Variants in GPC6 observed in about 807,000 individuals in gnomAD.
The protein encoded by GPC6 is glypican 6.
A neutral mutation model predicts 55.2 loss-of-function variants in GPC6; 14 were observed. That is an observed-to-expected ratio of 0.25 (90% CI 0.17 to 0.40). GPC6 has a LOEUF of 0.40. Among genes scored for constraint, GPC6 ranks in the 10% least tolerant of loss-of-function variants. The pLI, the probability that GPC6 is intolerant of heterozygous loss-of-function variation, is 1.00. For missense variants in GPC6, 641 were observed against 708.5 expected (o/e 0.90, Z 1.08); for synonymous variants, 278 against 259.6 (o/e 1.07, Z -0.68).
chr13:94,400,543 A>C (rs1402276261), intron 8 of GPC6, among the ~76,000 whole-genome samples: 1 of 152,156 alleles, frequency 6.6e-6, no homozygotes, highest in Non-Finnish European at 1.5e-5. Context: ...AATGTTGAAA[A>C]CCTAGTATAG....
intron 4 of GPC6, among the ~76,000 whole-genome samples, chr13:94,216,523 T>C (rs1270751804): frequency 6.6e-6 from 1 of 152,230 alleles, no homozygotes; most frequent in Non-Finnish European, 1.5e-5. Flanking sequence ...ATTAACCAAA[T>C]TGATATGAGA....
At chr13:94,109,325 A>C (rs1296488540) in intron 4 of GPC6, among the ~76,000 whole-genome samples, 1 of 152,190 alleles carries the variant, frequency 6.6e-6, no homozygotes, top group Non-Finnish European at 1.5e-5. Context: ...GATTCTTGGT[A>C]ATCTATCACT....
chr13:93,808,643 T>C (rs1440713924), intron 2 of GPC6, among the ~76,000 whole-genome samples: 1 of 152,242 alleles, frequency 6.6e-6, no homozygotes, highest in African/African-American at 2.4e-5. Flanking sequence ...ATGAACTGTA[T>C]GTAATTAAAC....
chr13:93,545,183 A>G lies in GPC6; in HGVS notation c.161-80A>G, dbSNP rs1178688296. On this transcript the variant is annotated intron_variant, in intron 1 of 8. Coordinates refer to ENST00000377047, the MANE Select transcript of GPC6 (RefSeq NM_005708.5). ...GGAACAAGCACCCTGAGATTTGAGC[A>G]AAGTGTTAGAGAAGTGAAATCTCTA... 1.6e-5 allele frequency: 20 copies of G among 1,236,552 alleles called. No individual in the cohort carries two copies. The East Asian group carries it at 4.7e-4, about 29-fold the overall frequency. 76.6% of individuals were successfully genotyped at this position (1,236,552 alleles called of 1,614,324 possible).
chr13:93,438,602 C>T (rs1038678331), intron 1 of GPC6, among the ~76,000 whole-genome samples: 2 of 152,082 alleles, frequency 1.3e-5, no homozygotes, highest in African/African-American at 4.8e-5. Flanking sequence ...CCTGCAATCT[C>T]ATGATAAAAT....
intron 2 of GPC6, among the ~76,000 whole-genome samples, chr13:93,615,764 C>T (rs935065035): frequency 3.3e-5 from 5 of 152,008 alleles, no homozygotes. Context: ...TCCACAGTGT[C>T]CCCTCACTTT....
the GPC6 span, among the ~76,000 whole-genome samples, chr13:93,218,348 G>A: frequency 2.0e-5 from 3 of 152,124 alleles, no homozygotes; most frequent in Admixed American, 2.0e-4. Flanking sequence ...AATTCTCTGT[G>A]GCTGATAAAG....
chr13:93,492,530 T>C (rs1388327030), intron 1 of GPC6, among the ~76,000 whole-genome samples: 1 of 147,626 alleles, frequency 6.8e-6, no homozygotes, highest in East Asian at 2.0e-4. Context: ...TCCTGCCTGA[T>C]TGCCCCGGCC....
intron 7 of GPC6, among the ~76,000 whole-genome samples, chr13:94,392,338 G>A (rs1418400408): frequency 1.3e-5 from 2 of 150,764 alleles, no homozygotes. Flanking sequence ...AATAATAATG[G>A]TACTATGAAC....
At chr13:93,383,129 T>G (rs1358464442) in intron 1 of GPC6, among the ~76,000 whole-genome samples, 1 of 152,198 alleles carries the variant, frequency 6.6e-6, no homozygotes, top group Non-Finnish European at 1.5e-5. Context: ...GTGGTAGACT[T>G]TTCCAGCTTT....
At chr13:93,839,013 GAACC>G (rs1887848842) in intron 3 of GPC6, among the ~76,000 whole-genome samples, 2 of 152,126 alleles carry the variant, frequency 1.3e-5, no homozygotes, top group South Asian at 2.1e-4. Context: ...CAAATGATGA[GAACC>G]AGCAAAGCAC....
intron 1 of GPC6, among the ~76,000 whole-genome samples, chr13:93,434,628 CT>C (rs1291597454): frequency 6.6e-6 from 1 of 152,180 alleles, no homozygotes; most frequent in Non-Finnish European, 1.5e-5. Context: ...GTAAAACTTA[CT>C]GGCATATAAT....
chr13:93,432,789 G>A (rs1877410028), intron 1 of GPC6, among the ~76,000 whole-genome samples: 1 of 152,046 alleles, frequency 6.6e-6, no homozygotes, highest in Non-Finnish European at 1.5e-5. Context: ...TAATGAATCA[G>A]CAACCCAAAG....
chr13:93,895,751 T>C (rs1297042432), intron 3 of GPC6, among the ~76,000 whole-genome samples: 1 of 152,102 alleles, frequency 6.6e-6, no homozygotes, highest in Non-Finnish European at 1.5e-5. Flanking sequence ...AATAATTCTC[T>C]GTTACAACAT....
chr13:93,337,741 A>G (rs1880099250), intron 1 of GPC6, among the ~76,000 whole-genome samples: 1 of 152,242 alleles, frequency 6.6e-6, no homozygotes, highest in Non-Finnish European at 1.5e-5. Context: ...GTTGCAGCTA[A>G]CAAAGAGAAC....
intron 4 of GPC6, among the ~76,000 whole-genome samples, chr13:94,146,377 A>G (rs571646403): frequency 3.3e-5 from 5 of 152,264 alleles, no homozygotes; most frequent in African/African-American, 1.2e-4. Flanking sequence ...GGACAGTCTC[A>G]CCAATCAAGT....
Position 93,921,535 on chromosome 13 carries a change from TCC to T in GPC6, c.711+90993_711+90994del, listed in dbSNP as rs201547673. On this transcript the variant is annotated intron_variant, in intron 3 of 8. Transcript: ENST00000377047. ...AGGGGATGGAGTAGGAAGATGATCT[TCC>T]CCTGGATTTCAGCCATCCTGTGGCC... 7.9e-5 allele frequency among the ~76,000 whole-genome samples: 12 copies of T among 152,088 alleles called. No individual in the cohort carries two copies. In the East Asian group the frequency reaches 2.3e-3, roughly 30 times the overall value.
At chr13:93,893,805 T>C (rs1366517825) in intron 3 of GPC6, among the ~76,000 whole-genome samples, 1 of 152,248 alleles carries the variant, frequency 6.6e-6, no homozygotes, top group East Asian at 1.9e-4. Flanking sequence ...ATCAGACTTC[T>C]CTTAATTAAT....
intron 3 of GPC6, among the ~76,000 whole-genome samples, chr13:93,839,951 G>A (rs1479151556): frequency 6.6e-6 from 1 of 152,042 alleles, no homozygotes; most frequent in African/African-American, 2.4e-5. Flanking sequence ...GTCCTTTCCT[G>A]GTTTTGGTAT....
Sources: allele counts gnomAD v4.1 joint callset (sites outside exome capture counted in the v4.1 genomes callset), GRCh38; gene constraint gnomAD v4.1.1; transcripts MANE v1.5; gene names NCBI Gene and HGNC (gene_info 2026-07-23, HGNC 2026-07-21).